Variants in CPED1 observed in about 807,000 individuals in gnomAD.
CPED1 encodes the protein cadherin-like and PC-esterase domain-containing protein 1.
CPED1 carries 114 observed loss-of-function variants against 128.2 expected under a neutral mutation model. That is an observed-to-expected ratio of 0.89 (90% CI 0.76 to 1.04). The LOEUF (loss-of-function observed/expected upper bound fraction) is 1.04. Among genes scored for constraint, CPED1 ranks in the 50% least tolerant of loss-of-function variants. The pLI is 0.00. For missense variants in CPED1, 1,211 were observed against 1,207.1 expected, an observed-to-expected ratio of 1.00 and a Z score of -0.05; for synonymous variants, 462 against 426.7, an observed-to-expected ratio of 1.08 and a Z score of -1.02.
intron 15 of CPED1, 92 bp downstream of exon 15, chr7:121,141,105 C>G (rs1326088741): frequency 1.0e-6 from 1 of 999,578 alleles, no homozygotes; most frequent in Non-Finnish European, 1.4e-6. Context: ...AAAGCTGATT[C>G]ATAAGATCAG....
rs757025021 is a variant in CPED1 at position 121,099,945 on chromosome 7, G to T, written c.769G>T (p.Ala257Ser). The change falls in exon 7 of 23, where the codon GCT (alanine) becomes TCT (serine). Residue 257 changes from alanine to serine, a missense_variant. Ala to Ser is a moderately conservative substitution (Grantham distance 99). Transcript: ENST00000310396. ...TTTTAGGAATGAAACGACAGTCCTT[G>T]CTCCACATGAAACAATCTTTCGAGC... ...REQLNETTVL[A>S]PHETIFRAED... The T allele has an allele frequency of 6.2e-7, 1 of 1,610,868 alleles. No individual in the cohort carries two copies. The highest frequency in any genetic ancestry group is 8.5e-7 in the Non-Finnish European group (1 of 1,178,982).
intron 5 of CPED1, among the ~76,000 whole-genome samples, chr7:121,077,070 C>T (rs1430666023): frequency 6.6e-6 from 1 of 152,054 alleles, no homozygotes; most frequent in African/African-American, 2.4e-5. Context: ...TCCTGCTTGA[C>T]ACCACTCCAT....
intron 8 of CPED1, among the ~76,000 whole-genome samples, chr7:121,125,210 T>C (rs137870443): frequency 0.016 from 2,504 of 152,320 alleles, 28 homozygotes; most frequent in Non-Finnish European, 0.028. Flanking sequence ...CTGCTCTTTT[T>C]AATTAGTAGA....
At position 121,190,088 on chromosome 7, in the gene CPED1, G is replaced by A. The variant is rs186928705; in HGVS notation, c.2056-46626G>A. Among the ~76,000 whole-genome samples, 10 of 151,962 alleles carry A rather than the reference G, an allele frequency of 6.6e-5. No homozygotes were observed. In the East Asian group the frequency reaches 1.9e-3, roughly 29 times the overall value. Reference sequence around the variant, plus strand: ...TATATAATAGGCCACATAATGATAAGTGCTCTGAAGAAAAATTAAACAAGA... The same window carrying A: ...TATATAATAGGCCACATAATGATAAATGCTCTGAAGAAAAATTAAACAAGA... On this transcript the variant is annotated intron_variant, in intron 16 of 22. Coordinates refer to ENST00000310396, the MANE Select transcript of CPED1 (RefSeq NM_024913.5).
intron 18 of CPED1, among the ~76,000 whole-genome samples, chr7:121,252,528 G>A (rs1182765448): frequency 4.0e-5 from 6 of 151,774 alleles, no homozygotes; most frequent in Non-Finnish European, 5.9e-5. Flanking sequence ...GAGTGAACAG[G>A]CAACCTACAA....
intron 13 of CPED1, 110 bp downstream of exon 13, chr7:121,134,003 G>T: frequency 3.2e-6 from 2 of 624,198 alleles, no homozygotes; most frequent in Non-Finnish European, 5.6e-6. Flanking sequence ...AATTAAATGA[G>T]GAAATGCTAT....
chr7:121,161,515 A>G (rs1796411615), intron 16 of CPED1, among the ~76,000 whole-genome samples: 1 of 152,154 alleles, frequency 6.6e-6, no homozygotes, highest in African/African-American at 2.4e-5. Context: ...CCCTAATTTA[A>G]GGTCAACTGA....
intron 16 of CPED1, 34 bp downstream of exon 16, chr7:121,142,175 T>C (rs773748224): frequency 2.6e-6 from 4 of 1,550,084 alleles, no homozygotes; most frequent in East Asian, 2.3e-5. Flanking sequence ...TTGGGTTGAA[T>C]TGGGAATGAT....
At chr7:121,091,168 A>G (rs921948294) in intron 5 of CPED1, among the ~76,000 whole-genome samples, 1 of 128,294 alleles carries the variant, frequency 7.8e-6, no homozygotes, top group Non-Finnish European at 1.7e-5. Context: ...TAAATACTGC[A>G]GTAACTGAAA....
At chr7:121,066,451 C>G (rs1585049419) in intron 5 of CPED1, among the ~76,000 whole-genome samples, 1 of 152,010 alleles carries the variant, frequency 6.6e-6, no homozygotes, top group East Asian at 1.9e-4. Context: ...TTATTCCTAA[C>G]ACATAATGTC....
Position 121,015,750 on chromosome 7 carries a change from T to C in CPED1, c.335T>C (p.Leu112Pro). 6.2e-7 allele frequency: 1 copy of C among 1,612,194 alleles called. No individual in the cohort carries two copies. Among genetic ancestry groups the C allele is most frequent in the Non-Finnish European group, 8.5e-7 (1 of 1,179,336 alleles). The change falls in exon 3 of 23, where the codon CTT (leucine) becomes CCT (proline). Residue 112 changes from leucine to proline, a missense_variant. Transcript: ENST00000310396. ...YRPPFYSKTE[L>P]QLHQHILTQH... is the part of the protein sequence containing the mutation. ...CCTCCTTTCTACAGCAAAACAGAGC[T>C]TCAGCTACACCAGCACATTCTGACT... is the stretch of plus-strand genomic sequence containing the variant.
At position 120,997,177 on chromosome 7, in the gene CPED1, C is replaced by T. The variant is rs538981832; in HGVS notation, c.249+7307C>T. 4.6e-5 allele frequency among the ~76,000 whole-genome samples: 7 copies of T among 152,336 alleles called. No homozygotes were observed. In the East Asian group the frequency reaches 9.6e-4, roughly 21 times the overall value. On this transcript the variant is annotated intron_variant, in intron 2 of 22. Coordinates refer to ENST00000310396, the MANE Select transcript of CPED1 (RefSeq NM_024913.5). Reference sequence around the variant, plus strand: ...TTTCACTTCCTTCATTATAGCAGCCCTTATCTCCATAAGTGGATGTGTGCT... The same window carrying T: ...TTTCACTTCCTTCATTATAGCAGCCTTTATCTCCATAAGTGGATGTGTGCT...
chr7:121,107,073 A>C (rs1474387556), intron 7 of CPED1, among the ~76,000 whole-genome samples: 2 of 152,136 alleles, frequency 1.3e-5, no homozygotes, highest in Non-Finnish European at 2.9e-5. Context: ...GTTCGAAGAC[A>C]GAACAGCTGT....
chr7:121,168,511 C>T (rs1214022815), intron 16 of CPED1, among the ~76,000 whole-genome samples: 1 of 152,066 alleles, frequency 6.6e-6, no homozygotes, highest in Non-Finnish European at 1.5e-5. Flanking sequence ...TGTTTTGATG[C>T]AGGCATGGAA....
chr7:121,016,330 G>A (rs1337269956), intron 3 of CPED1, among the ~76,000 whole-genome samples: 1 of 152,102 alleles, frequency 6.6e-6, no homozygotes, highest in Admixed American at 6.6e-5. Flanking sequence ...CTGTCATTTG[G>A]AGAGAATAAT....
At chr7:121,178,974 A>G (rs2116491963) in intron 16 of CPED1, among the ~76,000 whole-genome samples, 1 of 152,184 alleles carries the variant, frequency 6.6e-6, no homozygotes, top group Non-Finnish European at 1.5e-5. Flanking sequence ...GAGACAATCT[A>G]TATTTAGAAG....
At chr7:121,015,992 A>C in intron 3 of CPED1, 144 bp downstream of exon 3, 1 of 505,460 alleles carries the variant, frequency 2.0e-6, no homozygotes, top group Non-Finnish European at 3.2e-6. Flanking sequence ...TAGAAAACTT[A>C]TCTCTTTTTT....
In CPED1 at chr7:121,143,378, G is replaced by A. The variant is rs1055935645; in HGVS notation, c.2055+1237G>A. On this transcript the variant is annotated intron_variant, in intron 16 of 22. Coordinates refer to ENST00000310396, the MANE Select transcript of CPED1 (RefSeq NM_024913.5). ...TTATAGTACGGAAAATATATAGTGTGTTTCATTTCCAAACTTATTTGATAT... is the reference window on the plus strand; with the variant it reads ...TTATAGTACGGAAAATATATAGTGTATTTCATTTCCAAACTTATTTGATAT... 7.9e-5 allele frequency among the ~76,000 whole-genome samples: 12 copies of A among 151,896 alleles called. No individual in the cohort carries two copies. In the South Asian group the frequency reaches 2.5e-3, roughly 32 times the overall value.
rs749403567 is a variant in CPED1, at chr7:121,142,005, A to G, written c.1919A>G (p.Asn640Ser). The G allele has an allele frequency of 6.2e-7, 1 of 1,612,676 alleles. No individual in the cohort carries two copies. Among genetic ancestry groups the G allele is most frequent in the South Asian group, 1.1e-5 (1 of 91,020 alleles). The change falls in exon 16 of 23, where the codon AAC (asparagine) becomes AGC (serine). Residue 640 changes from asparagine to serine, a missense_variant. Asn to Ser is a conservative substitution (Grantham distance 46). Transcript: ENST00000310396. ...FASYPLGLGM[N>S]KISIFVVDES... is the part of the protein sequence containing the mutation. ...AGCTACCCTCTGGGCTTAGGAATGA[A>G]CAAAATCTCAATATTTGTTGTGGAT...
Sources: allele counts gnomAD v4.1 joint callset (sites outside exome capture counted in the v4.1 genomes callset), GRCh38; gene constraint gnomAD v4.1.1; transcripts MANE v1.5; gene names NCBI Gene and HGNC (gene_info 2026-07-23, HGNC 2026-07-21).